Variants in RNF144A observed in about 807,000 individuals in gnomAD.
The protein encoded by RNF144A is E3 ubiquitin-protein ligase RNF144A.
Under a neutral mutation model 38.7 loss-of-function variants are expected in RNF144A, and 11 were observed. The ratio of observed to expected loss-of-function variants is 0.28; its 90% CI spans 0.18 to 0.47. RNF144A has a LOEUF of 0.47. RNF144A is among the 20% of genes least tolerant of loss of function. RNF144A has a pLI of 0.99. For missense variants in RNF144A, 316 were observed against 377.2 expected, an observed-to-expected ratio of 0.84 and a Z score of 1.34; for synonymous variants, 149 against 143.9, an observed-to-expected ratio of 1.04 and a Z score of -0.25.
chr2:7,020,717 C>T lies in RNF144A; in HGVS notation c.509+37C>T, dbSNP rs748643594. 22 of 1,573,496 alleles carry T rather than the reference C, an allele frequency of 1.4e-5. No individual in the cohort carries two copies. The Admixed American group carries it at 2.8e-4, about 20-fold the overall frequency. On this transcript the variant is annotated intron_variant, in intron 6 of 8. Coordinates refer to ENST00000320892, the MANE Select transcript of RNF144A (RefSeq NM_014746.6). ...ACACAAGCTGCCACCAAAGGCATGG[C>T]TGTGGGCCAGGAGAAGCAGGCATGC...
rs1667746741 is a variant in RNF144A, at chr2:6,967,521, GC to G, written c.-12+26379del. 2.0e-5 allele frequency among the ~76,000 whole-genome samples: 3 copies of G among 152,318 alleles called. No individual in the cohort carries two copies. The South Asian group carries it at 6.2e-4, about 32-fold the overall frequency. On this transcript the variant is annotated intron_variant, in intron 2 of 8. Coordinates refer to ENST00000320892, the MANE Select transcript of RNF144A (RefSeq NM_014746.6). ...CCCTGTGGCACCCTGCCCTGGAGCA[GC>G]CCCCAGTCTTGGGAGACAGAGTTGG...
chr2:7,076,261 T>C, the RNF144A span, among the ~76,000 whole-genome samples: 2,060 of 152,326 alleles, frequency 0.014, 42 homozygotes, highest in African/African-American at 0.047. Flanking sequence ...GATTTCTATT[T>C]TGTACTAAAA....
At chr2:6,973,486 C>T (rs962108406) in intron 2 of RNF144A, among the ~76,000 whole-genome samples, 4 of 152,198 alleles carry the variant, frequency 2.6e-5, no homozygotes, top group African/African-American at 7.2e-5. Flanking sequence ...AGCAGGTCCT[C>T]CTGGTCACTT....
chr2:6,993,904 T>G (rs1430862402), intron 2 of RNF144A, among the ~76,000 whole-genome samples: 6 of 152,146 alleles, frequency 3.9e-5, no homozygotes, highest in Non-Finnish European at 8.8e-5. Flanking sequence ...GATATATTAT[T>G]CTAATATATT....
intron 1 of RNF144A, among the ~76,000 whole-genome samples, chr2:6,930,996 TA>T (rs1288463432): frequency 2.6e-5 from 4 of 152,194 alleles, no homozygotes; most frequent in Non-Finnish European, 4.4e-5. Context: ...CTATTATTAA[TA>T]AACTGGACAA....
chr2:6,977,825 A>G (rs888159019), intron 2 of RNF144A, among the ~76,000 whole-genome samples: 15 of 152,264 alleles, frequency 9.9e-5, no homozygotes, highest in African/African-American at 3.6e-4. Flanking sequence ...CAAAAAGAAC[A>G]TAAAGGAGAG....
chr2:6,968,945 G>A lies in RNF144A; in HGVS notation c.-12+27798G>A, dbSNP rs77550819. ...TTCCTGCTGGTCAGATGAGGTCTCG[G>A]GCTCAGAGCCGCACCTCAAGAGCGC... is the stretch of plus-strand genomic sequence containing the variant. On this transcript the variant is annotated intron_variant, in intron 2 of 8. Transcript: ENST00000320892. Among the ~76,000 whole-genome samples the A allele has an allele frequency of 5.6e-4, 86 of 152,278 alleles. 1 individual carries two copies. The East Asian group carries it at 0.013, about 22-fold the overall frequency.
At chr2:7,020,038 A>G (rs1421823802) in intron 5 of RNF144A, among the ~76,000 whole-genome samples, 5 of 152,082 alleles carry the variant, frequency 3.3e-5, no homozygotes, top group Non-Finnish European at 7.4e-5. Context: ...ACATGGGGCC[A>G]TCAGGGGTCC....
Position 7,030,309 on chromosome 2 carries a change from GTATA to G in RNF144A, c.747+96_747+99del. ...TGTGTGTGTGTGTGTGTGTGTGTAT[GTATA>G]TCTTTAGTGTTTCCAGACTTGCCTA... On this transcript the variant is annotated intron_variant, in intron 8 of 8. Coordinates refer to ENST00000320892, the MANE Select transcript of RNF144A (RefSeq NM_014746.6). The G allele has an allele frequency of 1.8e-5, 15 of 824,550 alleles. No individual in the cohort carries two copies. In the South Asian group the frequency reaches 2.3e-4, roughly 13 times the overall value. The allele number at this position is 824,550 out of a possible 1,614,324, so 51.1% of individuals were successfully genotyped here.
At chr2:7,048,313 A>G (rs538389406), downstream of RNF144A, among the ~76,000 whole-genome samples, 1 of 152,356 alleles carries the variant, frequency 6.6e-6, no homozygotes, top group Admixed American at 6.5e-5. Flanking sequence ...TCGCAGGACA[A>G]ACACTGCGCT....
In RNF144A at chr2:7,040,815, T is replaced by G; in HGVS notation, c.*1055T>G. On this transcript the variant is annotated 3_prime_UTR_variant, in exon 9 of 9. Coordinates refer to ENST00000320892, the MANE Select transcript of RNF144A (RefSeq NM_014746.6). ...TCACATTTTTAAAATGTTCTAGTCA[T>G]TTTGAGAAATCATATATCTTACACA... 2 of 985,458 alleles carry G rather than the reference T, an allele frequency of 2.0e-6. No homozygotes were observed. The highest frequency in any genetic ancestry group is 2.4e-6 in the Non-Finnish European group (2 of 829,932). 61.0% of individuals were successfully genotyped at this position (985,458 alleles called of 1,614,324 possible).
At position 7,020,374 on chromosome 2, in the gene RNF144A, A is replaced by T. The variant is rs990890398; in HGVS notation, c.302-99A>T. The T allele has an allele frequency of 5.8e-6, 6 of 1,035,134 alleles. No homozygotes were observed. In the African/African-American group the frequency reaches 7.8e-5, roughly 13 times the overall value. 64.1% of individuals were successfully genotyped at this position (1,035,134 alleles called of 1,614,324 possible). A position where few individuals can be genotyped will look rare whatever the true frequency, so the allele number is the denominator to read the frequency against. On this transcript the variant is annotated intron_variant, in intron 5 of 8. Transcript: ENST00000320892. Reference sequence around the variant, plus strand: ...GTGGTGCTGGCTGTATTACCTGGACATGTTCCTCCCTGTCCGTGCACTGAG... The same window carrying T: ...GTGGTGCTGGCTGTATTACCTGGACTTGTTCCTCCCTGTCCGTGCACTGAG...
At chr2:6,932,463 T>G (rs1455261339) in intron 1 of RNF144A, among the ~76,000 whole-genome samples, 1 of 152,212 alleles carries the variant, frequency 6.6e-6, no homozygotes, top group Non-Finnish European at 1.5e-5. Context: ...TGGAGATTTT[T>G]TTTTCCTTAA....
At chr2:6,991,321 T>C (rs1360722166) in intron 2 of RNF144A, among the ~76,000 whole-genome samples, 1 of 152,228 alleles carries the variant, frequency 6.6e-6, no homozygotes, top group Non-Finnish European at 1.5e-5. Flanking sequence ...CCAACTCTTT[T>C]ACAGCCAACT....
At chr2:6,993,542 A>T (rs1669530361) in intron 2 of RNF144A, among the ~76,000 whole-genome samples, 3 of 152,102 alleles carry the variant, frequency 2.0e-5, no homozygotes, top group Admixed American at 6.5e-5. Context: ...AGAGGCTATA[A>T]CTGGCTTGTG....
chr2:7,031,538 T>A (rs1672301671), intron 8 of RNF144A, among the ~76,000 whole-genome samples: 1 of 152,196 alleles, frequency 6.6e-6, no homozygotes, highest in Admixed American at 6.5e-5. Context: ...GAGGGATTAG[T>A]GGCAGGAGGC....
Position 6,957,030 on chromosome 2 carries a change from A to G in RNF144A, c.-12+15883A>G, listed in dbSNP as rs74602732. Among the ~76,000 whole-genome samples, 1,251 of 152,264 alleles carry G rather than the reference A, an allele frequency of 8.2e-3. 11 individuals are homozygous for G. Among genetic ancestry groups the G allele is most frequent in the Middle Eastern group, 0.037 (11 of 294 alleles). The stretch of plus-strand genomic sequence containing the variant: ...AAGCTCCTGGCCTGGCTGCAGCCTC[A>G]TTTACTCTTAGGCCCCCAGCACACT... On this transcript the variant is annotated intron_variant, in intron 2 of 8. Coordinates refer to ENST00000320892, the MANE Select transcript of RNF144A (RefSeq NM_014746.6).
At chr2:6,992,302 G>A (rs559469300) in intron 2 of RNF144A, among the ~76,000 whole-genome samples, 1 of 152,210 alleles carries the variant, frequency 6.6e-6, no homozygotes, top group Admixed American at 6.5e-5. Context: ...GTCGGGGTTG[G>A]AGCCCAACCA....
intron 1 of RNF144A, among the ~76,000 whole-genome samples, chr2:6,921,113 T>A (rs538141696): frequency 5.3e-5 from 8 of 152,150 alleles, no homozygotes; most frequent in African/African-American, 1.9e-4. Context: ...TTCAGAAGAG[T>A]GGATTTTTTC....
Sources: allele counts gnomAD v4.1 joint callset (sites outside exome capture counted in the v4.1 genomes callset), GRCh38; gene constraint gnomAD v4.1.1; transcripts MANE v1.5; gene names NCBI Gene and HGNC (gene_info 2026-07-23, HGNC 2026-07-21).